Variants in TMCO1 observed in about 807,000 individuals in gnomAD.
The protein encoded by TMCO1 is transmembrane and coiled-coil domains 1, also known as calcium load-activated calcium channel.
In TMCO1, 29 loss-of-function variants were observed where a neutral mutation model predicts 29.3. The ratio of observed to expected loss-of-function variants is 0.99; its 90% CI spans 0.74 to 1.35. The LOEUF (loss-of-function observed/expected upper bound fraction) is 1.35, where lower values mean the gene tolerates loss of function less well. TMCO1 is among the 40% of genes most tolerant of loss of function. The probability of loss-of-function intolerance (pLI) is 0.00; values close to 1 mark genes in which losing one functional copy is unlikely to be tolerated. For synonymous variants in TMCO1, 80 were observed against 77.1 expected, an observed-to-expected ratio of 1.04 and a Z score of -0.20; for missense variants, 173 against 225.5, an observed-to-expected ratio of 0.77 and a Z score of 1.49.
downstream of TMCO1, chr1:165,724,702 A>T (rs1434079179): frequency 2.2e-6 from 1 of 454,092 alleles, no homozygotes; most frequent in East Asian, 6.9e-5. Context: ...TGCAATATTC[A>T]GTACCTTACT....
At chr1:165,765,985 AG>A (rs997037484) in intron 2 of TMCO1, among the ~76,000 whole-genome samples, 4 of 152,274 alleles carry the variant, frequency 2.6e-5, no homozygotes, top group Admixed American at 6.5e-5. Context: ...CATGGTGCTT[AG>A]ACCACAGTGG....
intron 6 of TMCO1, among the ~76,000 whole-genome samples, chr1:165,736,720 C>A (rs866084432): frequency 1.2e-3 from 148 of 122,686 alleles, no homozygotes; most frequent in Non-Finnish European, 1.3e-3. Context: ...GACTCCATCT[C>A]AAAAAAAAAA....
rs200248108 is a variant in TMCO1, at chr1:165,743,318, G to C, written c.324-7C>G. ...CACCACTCTACCATCAAATCTAAAA[G>C]AAAAAAAAAAAAAAAGAATTGTTAT... On this transcript the variant is annotated splice_polypyrimidine_tract_variant and splice_region_variant and intron_variant, in intron 5 of 6. Coordinates refer to ENST00000367881, the MANE Select transcript of TMCO1 (RefSeq NM_019026.6). 79 of 1,346,408 alleles carry C rather than the reference G, an allele frequency of 5.9e-5. No individual in the cohort carries two copies. The highest frequency in any genetic ancestry group is 7.7e-5 in the East Asian group (3 of 39,102). 83.4% of individuals were successfully genotyped at this position (1,346,408 alleles called of 1,614,324 possible).
At chr1:165,735,945 A>C (rs1036136200) in intron 6 of TMCO1, among the ~76,000 whole-genome samples, 1 of 152,210 alleles carries the variant, frequency 6.6e-6, no homozygotes, top group African/African-American at 2.4e-5. Flanking sequence ...CTATGGTCTG[A>C]ATGTTTGTTT....
At chr1:165,736,443 C>T (rs1007668308) in intron 6 of TMCO1, among the ~76,000 whole-genome samples, 5 of 152,028 alleles carry the variant, frequency 3.3e-5, no homozygotes, top group Middle Eastern at 3.4e-3. Context: ...ACAGGCCGGG[C>T]GCGGGGGCTC....
downstream of TMCO1, chr1:165,725,556 C>G (rs568760723): frequency 3.5e-5 from 16 of 454,066 alleles, no homozygotes; most frequent in Admixed American, 9.4e-5. Flanking sequence ...GGCTGTTTTT[C>G]TTCCCTAGAC....
At chr1:165,757,099 G>GT (rs1438807892) in intron 3 of TMCO1, among the ~76,000 whole-genome samples, 9 of 152,190 alleles carry the variant, frequency 5.9e-5, no homozygotes, top group African/African-American at 2.2e-4. Flanking sequence ...CACAGTGTCC[G>GT]TAAGATAAAA....
At chr1:165,757,983 G>T (rs528159844) in intron 3 of TMCO1, among the ~76,000 whole-genome samples, 1 of 152,188 alleles carries the variant, frequency 6.6e-6, no homozygotes, top group Admixed American at 6.5e-5. Context: ...TGAAAGAGTT[G>T]TCCATGTTGA....
chr1:165,756,207 GAT>G (rs1241757889), intron 3 of TMCO1, among the ~76,000 whole-genome samples: 1 of 152,124 alleles, frequency 6.6e-6, no homozygotes, highest in Non-Finnish European at 1.5e-5. Flanking sequence ...AAAATACTGA[GAT>G]AGAACCCAAG....
intron 1 of TMCO1, 114 bp downstream of exon 1, chr1:165,768,568 T>C (rs182238448): frequency 1.1e-5 from 18 of 1,582,080 alleles, no homozygotes; most frequent in Non-Finnish European, 1.5e-5. Context: ...TGAAGTGGAG[T>C]AGATGAGCCT....
chr1:165,734,741 G>T (rs747020978), intron 6 of TMCO1, among the ~76,000 whole-genome samples: 3 of 152,284 alleles, frequency 2.0e-5, no homozygotes, highest in Non-Finnish European at 4.4e-5. Flanking sequence ...CTGACCTCGT[G>T]ATCCACCTGC....
At chr1:165,724,813 G>A (rs1426444052), downstream of TMCO1, 2 of 453,844 alleles carry the variant, frequency 4.4e-6, no homozygotes, top group South Asian at 1.6e-5. Context: ...ATGGTATTCA[G>A]ATTACACATA....
chr1:165,760,414 G>C (rs1202505667), intron 2 of TMCO1, among the ~76,000 whole-genome samples: 7 of 141,118 alleles, frequency 5.0e-5, no homozygotes, highest in South Asian at 4.6e-4. Flanking sequence ...CTGGGCAATA[G>C]AGCGAGACTC....
rs774226905 is a variant in TMCO1 at position 165,752,108 on chromosome 1, T to C, written c.317A>G (p.Asn106Ser). ...CATATAAAAGGACACTCACATGGAATTGAACATTCCCATTAGGGCAGTAAA... is the reference window on the plus strand; with the variant it reads ...CATATAAAAGGACACTCACATGGAACTGAACATTCCCATTAGGGCAGTAAA... The part of the protein sequence containing the change: ...FCFTALMGMF[N>S]SIFDGRVVAK... Residue 106 changes from asparagine (N) to serine (S), a missense_variant, in exon 5 of 7, where the codon AAT becomes AGT. Transcript: ENST00000367881. 9 of 1,612,210 alleles carry C rather than the reference T, an allele frequency of 5.6e-6. No individual in the cohort carries two copies. Among genetic ancestry groups the C allele is most frequent in the Non-Finnish European group, 7.6e-6 (9 of 1,178,364 alleles).
intron 6 of TMCO1, among the ~76,000 whole-genome samples, chr1:165,742,298 T>C (rs1170909734): frequency 6.6e-6 from 1 of 152,022 alleles, no homozygotes; most frequent in Non-Finnish European, 1.5e-5. Flanking sequence ...GGTCCCGCTC[T>C]GCTGCCCAGG....
At chr1:165,766,484 T>C (rs565030040) in intron 2 of TMCO1, among the ~76,000 whole-genome samples, 3 of 152,130 alleles carry the variant, frequency 2.0e-5, no homozygotes, top group Non-Finnish European at 4.4e-5. Flanking sequence ...ATCAAGTAAA[T>C]TGCAGAAGAA....
chr1:165,741,590 G>C (rs1346889390), intron 6 of TMCO1, among the ~76,000 whole-genome samples: 1 of 152,208 alleles, frequency 6.6e-6, no homozygotes, highest in Non-Finnish European at 1.5e-5. Context: ...GATGTGATGG[G>C]ATATGAATTG....
intron 5 of TMCO1, among the ~76,000 whole-genome samples, chr1:165,751,658 T>C (rs1026146824): frequency 6.6e-6 from 1 of 151,764 alleles, no homozygotes; most frequent in Non-Finnish European, 1.5e-5. Context: ...TGAGCCAAGA[T>C]TGCGCCACTG....
intron 5 of TMCO1, among the ~76,000 whole-genome samples, chr1:165,749,693 C>A (rs1016420669): frequency 2.0e-5 from 3 of 151,834 alleles, no homozygotes; most frequent in African/African-American, 7.3e-5. Flanking sequence ...TAGAAAAAAA[C>A]AGGAAAAAAA....
Sources: allele counts gnomAD v4.1 joint callset (sites outside exome capture counted in the v4.1 genomes callset), GRCh38; gene constraint gnomAD v4.1.1; transcripts MANE v1.5; gene names NCBI Gene and HGNC (gene_info 2026-07-23, HGNC 2026-07-21).